The following MTR variants were observed in gnomAD, a reference collection of about 807,000 sequenced individuals.
The protein encoded by MTR is 5-methyltetrahydrofolate-homocysteine methyltransferase, also known as methionine synthase.
MTR carries 84 observed loss-of-function variants against 154.8 expected under a neutral mutation model. That is an observed-to-expected ratio of 0.54 (90% CI 0.45 to 0.65). MTR has a LOEUF of 0.65. MTR is among the 30% of genes least tolerant of loss of function. The pLI is 0.00. For missense variants in MTR, 1,275 were observed against 1,570.2 expected (o/e 0.81, Z 3.18); for synonymous variants, 554 against 553.9 (o/e 1.00, Z 0.00).
intron 22 of MTR, among the ~76,000 whole-genome samples, chr1:236,872,835 A>G (rs1665216363): frequency 1.3e-5 from 2 of 152,164 alleles, no homozygotes; most frequent in Admixed American, 6.5e-5. Flanking sequence ...GGGAAACCCT[A>G]TCTACAAAAA....
intron 21 of MTR, among the ~76,000 whole-genome samples, chr1:236,862,839 T>G (rs1664623308): frequency 6.6e-6 from 1 of 152,250 alleles, no homozygotes; most frequent in Non-Finnish European, 1.5e-5. Context: ...CTTTTTGACC[T>G]TGTTTAGCTC....
At chr1:236,819,717 AC>A (rs1193325023) in intron 8 of MTR, 2 of 717,096 alleles carry the variant, frequency 2.8e-6, no homozygotes, top group African/African-American at 3.5e-5. Context: ...TTTAGGTGGC[AC>A]CAAACTTGAC....
At chr1:236,802,376 G>A (rs1185198864) in intron 1 of MTR, among the ~76,000 whole-genome samples, 2 of 152,160 alleles carry the variant, frequency 1.3e-5, no homozygotes, top group Non-Finnish European at 2.9e-5. Context: ...AAGGTCATTG[G>A]TGACTTTAGA....
chr1:236,797,715 T>C (rs576584009), intron 1 of MTR, among the ~76,000 whole-genome samples: 123 of 152,128 alleles, frequency 8.1e-4, no homozygotes, highest in Middle Eastern at 6.8e-3. Flanking sequence ...TCCCAGCACT[T>C]TGGGAGGCCG....
chr1:236,861,100 T>TTG, intron 19 of MTR, 25 bp from the exon 20 acceptor site: 1 of 1,355,180 alleles, frequency 7.4e-7, no homozygotes, highest in South Asian at 1.4e-5. Flanking sequence ...TCTTTTTCTT[T>TTG]TTTTTTTTTT....
intron 24 of MTR, among the ~76,000 whole-genome samples, chr1:236,880,364 C>G (rs1047273967): frequency 6.6e-5 from 10 of 152,012 alleles, no homozygotes; most frequent in African/African-American, 2.4e-4. Flanking sequence ...CCTTAGGGGC[C>G]CTGGCTGCTG....
intron 25 of MTR, among the ~76,000 whole-genome samples, chr1:236,881,641 CCTGGTGAT>C (rs1244240245): frequency 6.6e-6 from 1 of 152,142 alleles, no homozygotes; most frequent in East Asian, 1.9e-4. Context: ...ACGGAGGTGG[CCTGGTGAT>C]CTGCGAGACT....
chr1:236,880,888 A>G, intron 25 of MTR, 52 bp downstream of exon 25: 1 of 1,500,726 alleles, frequency 6.7e-7, no homozygotes. Flanking sequence ...AGCTTGCATT[A>G]CAAGTAAGGG....
At chr1:236,854,624 C>T (rs1255515789) in intron 18 of MTR, among the ~76,000 whole-genome samples, 2 of 152,154 alleles carry the variant, frequency 1.3e-5, no homozygotes, top group Admixed American at 1.3e-4. Context: ...TGAAGTCATA[C>T]TAGACAGTTC....
intron 22 of MTR, among the ~76,000 whole-genome samples, chr1:236,869,599 G>A (rs545391902): frequency 1.3e-5 from 2 of 152,326 alleles, no homozygotes; most frequent in South Asian, 4.1e-4. Context: ...ACAGGAATGT[G>A]TATAGGGAGA....
intron 6 of MTR, 152 bp from the exon 7 acceptor site, chr1:236,815,452 T>C: frequency 2.6e-6 from 2 of 762,154 alleles, no homozygotes; most frequent in South Asian, 1.5e-5. Context: ...GTGCTGGGGT[T>C]GTGCCTTATA....
chr1:236,859,643 T>G (rs1471232954), intron 18 of MTR, among the ~76,000 whole-genome samples, 190 bp from the exon 19 acceptor site: 1 of 152,236 alleles, frequency 6.6e-6, no homozygotes, highest in Non-Finnish European at 1.5e-5. Flanking sequence ...CCCTAAAAGA[T>G]TTCTCATTTT....
intron 22 of MTR, among the ~76,000 whole-genome samples, chr1:236,870,228 C>T (rs574337607): frequency 5.8e-4 from 89 of 152,320 alleles, no homozygotes; most frequent in Non-Finnish European, 7.8e-4. Flanking sequence ...CCCAGCAAGA[C>T]GACTTTGAAG....
chr1:236,820,192 G>C (rs1661846476), intron 8 of MTR: 8 of 761,308 alleles, frequency 1.1e-5, no homozygotes, highest in South Asian at 8.1e-5. Context: ...GCACATGCGT[G>C]GCACCATTTC....
At chr1:236,873,001 G>A (rs764960511) in intron 22 of MTR, among the ~76,000 whole-genome samples, 4 of 152,230 alleles carry the variant, frequency 2.6e-5, no homozygotes, top group African/African-American at 7.2e-5. Context: ...AACAGCAAAA[G>A]AGATTGCTTA....
intron 24 of MTR, among the ~76,000 whole-genome samples, chr1:236,875,321 G>A (rs1490786102): frequency 6.6e-6 from 1 of 152,208 alleles, no homozygotes; most frequent in East Asian, 1.9e-4. Flanking sequence ...TAGCAAGAAT[G>A]AACTAAATGG....
chr1:236,825,228 C>A, intron 9 of MTR, 110 bp from the exon 10 acceptor site: 2 of 566,496 alleles, frequency 3.5e-6, no homozygotes, highest in Non-Finnish European at 5.8e-6. Context: ...TGCAAGTAGT[C>A]ACCATTTAAT....
chr1:236,897,310 G>GCGCGCGCGCACACA, intron 32 of MTR, among the ~76,000 whole-genome samples, 192 bp downstream of exon 32: 2,545 of 128,638 alleles, frequency 0.02, 73 homozygotes, highest in African/African-American at 0.058. Flanking sequence ...CCACACACAC[G>GCGCGCGCGCACACA]CACACACACA....
Position 236,795,497 on chromosome 1 carries a change from G to T in MTR, c.-207G>T, listed in dbSNP as rs1264820499. On this transcript the variant is annotated 5_prime_UTR_variant, in exon 1 of 33. Transcript: ENST00000366577. Reference sequence around the variant, plus strand: ...AAGCACGTGCTCCAGCAGTTGCCGCGCCCAGCCCCGAGAGAGGCCCTAGGG... The same window carrying T: ...AAGCACGTGCTCCAGCAGTTGCCGCTCCCAGCCCCGAGAGAGGCCCTAGGG... 1 of 1,519,480 alleles carries T rather than the reference G, an allele frequency of 6.6e-7. No homozygotes were observed. Among genetic ancestry groups the T allele is most frequent in the South Asian group, 1.2e-5 (1 of 83,132 alleles). The allele number at this position is 1,519,480 out of a possible 1,614,324, so 94.1% of individuals were successfully genotyped here.
Sources: allele counts gnomAD v4.1 joint callset (sites outside exome capture counted in the v4.1 genomes callset), GRCh38; gene constraint gnomAD v4.1.1; transcripts MANE v1.5; gene names NCBI Gene and HGNC (gene_info 2026-07-23, HGNC 2026-07-21).